The following ZMYND11 variants were observed in gnomAD, a reference collection of about 807,000 sequenced individuals.
ZMYND11 encodes zinc finger MYND-type containing 11.
Under a neutral mutation model 84.9 loss-of-function variants are expected in ZMYND11, and 9 were observed. The observed-to-expected ratio is 0.11, with a 90% CI of 0.06 to 0.18. The LOEUF is 0.18. Among genes scored for constraint, ZMYND11 ranks in the 10% least tolerant of loss-of-function variants. The probability of loss-of-function intolerance (pLI) is 1.00; values close to 1 mark genes in which losing one functional copy is unlikely to be tolerated. For missense variants in ZMYND11, 409 were observed against 761.0 expected (o/e 0.54, Z 5.44); for synonymous variants, 250 against 244.1 (o/e 1.02, Z -0.23).
chr10:240,877 TTC>T lies in ZMYND11; in HGVS notation c.754-14_754-13del. On this transcript the variant is annotated splice_polypyrimidine_tract_variant and intron_variant, in intron 8 of 14. Transcript: ENST00000381604. Reference sequence around the variant, plus strand: ...TATATTTTATGTAGGCTAAAGTAGTTTCTTTTCTTTTTCAGCTGGATGAACTG... The same window carrying T: ...TATATTTTATGTAGGCTAAAGTAGTTTTTTCTTTTTCAGCTGGATGAACTG... 11 of 1,605,868 alleles carry T rather than the reference TTC, an allele frequency of 6.8e-6. No homozygotes were observed. The highest frequency in any genetic ancestry group is 7.7e-6 in the Non-Finnish European group (9 of 1,175,180).
intron 10 of ZMYND11, among the ~76,000 whole-genome samples, chr10:244,927 TCATTCCAG>T (rs1951822007): frequency 6.6e-6 from 1 of 152,224 alleles, no homozygotes; most frequent in Non-Finnish European, 1.5e-5. Flanking sequence ...AGATACAAGT[TCATTCCAG>T]GTAGTCAGCA....
intron 2 of ZMYND11, among the ~76,000 whole-genome samples, chr10:200,313 TATAAC>T (rs1942880512): frequency 1.1e-4 from 1 of 8,860 alleles, no homozygotes; most frequent in African/African-American, 1.2e-4. Flanking sequence ...ATATATAATA[TATAAC>T]ATATAATATG....
intron 10 of ZMYND11, chr10:244,420 C>G (rs1185631822): frequency 6.6e-6 from 1 of 152,238 alleles, no homozygotes; most frequent in Non-Finnish European, 1.5e-5. Flanking sequence ...TTGTAAATCT[C>G]CAGCAAAAGA....
intron 2 of ZMYND11, among the ~76,000 whole-genome samples, chr10:189,663 G>A (rs2130887476): frequency 6.6e-6 from 1 of 152,260 alleles, no homozygotes; most frequent in East Asian, 1.9e-4. Context: ...CAAATTCTTA[G>A]GACATTCACC....
intron 6 of ZMYND11, among the ~76,000 whole-genome samples, chr10:238,418 G>GTGA (rs1402120145): frequency 6.6e-6 from 1 of 151,764 alleles, no homozygotes; most frequent in East Asian, 1.9e-4. Flanking sequence ...GTGCAGTGGT[G>GTGA]TGATCTTGGC....
chr10:243,180 G>A (rs1951393672), intron 10 of ZMYND11, among the ~76,000 whole-genome samples: 1 of 152,094 alleles, frequency 6.6e-6, no homozygotes. Flanking sequence ...CTGAGCCTTA[G>A]CAAAATAAAG....
At chr10:195,478 C>T (rs1055920742) in intron 2 of ZMYND11, among the ~76,000 whole-genome samples, 40 of 152,156 alleles carry the variant, frequency 2.6e-4, no homozygotes, top group African/African-American at 8.9e-4. Flanking sequence ...CTATAACAGA[C>T]TATTATACTA....
chr10:230,111 G>GTAGA (rs1948743912), intron 4 of ZMYND11, among the ~76,000 whole-genome samples: 1 of 152,130 alleles, frequency 6.6e-6, no homozygotes, highest in South Asian at 2.1e-4. Context: ...TAATTTATGT[G>GTAGA]TAGATTAGTA....
At chr10:239,940 C>A in intron 7 of ZMYND11, 116 bp from the exon 8 acceptor site, 1 of 762,622 alleles carries the variant, frequency 1.3e-6, no homozygotes, top group Non-Finnish European at 2.1e-6. Context: ...TTTAAATGGA[C>A]ATTTTGGTTT....
intron 6 of ZMYND11, among the ~76,000 whole-genome samples, chr10:237,943 G>C (rs534246324): frequency 6.6e-6 from 1 of 152,202 alleles, no homozygotes; most frequent in South Asian, 2.1e-4. Context: ...CTTGATCCTT[G>C]TTGATTTAAG....
At chr10:239,390 AT>A in intron 6 of ZMYND11, 47 bp from the exon 7 acceptor site, 1 of 1,521,026 alleles carries the variant, frequency 6.6e-7, no homozygotes, top group South Asian at 1.2e-5. Flanking sequence ...CCAGACAAGT[AT>A]TTTTACTGGT....
rs1181159466 is a variant in ZMYND11, at chr10:248,927, A to G, written c.1525A>G (p.Lys509Glu). The G allele has an allele frequency of 6.2e-7, 1 of 1,613,490 alleles. No individual in the cohort carries two copies. The highest frequency in any genetic ancestry group is 8.5e-7 in the Non-Finnish European group (1 of 1,179,658). The part of the protein sequence containing the change: ...EKLRSEMEEE[K>E]RQAVNKAVAN... ...GCTGCGTTCTGAAATGGAAGAAGAA[A>G]AGAGACAAGCTGTAAATAAAGCTGT... Residue 509 changes from lysine (K) to glutamate (E), a missense_variant, in exon 14 of 15, where the codon AAG becomes GAG. Physicochemically the swap from Lys to Glu is moderately conservative, Grantham distance 56. Coordinates refer to ENST00000381604, the MANE Select transcript of ZMYND11 (RefSeq NM_001370100.5).
At chr10:209,742 G>A (rs1215345777) in intron 2 of ZMYND11, 147 bp from the exon 3 acceptor site, 1 of 628,376 alleles carries the variant, frequency 1.6e-6, no homozygotes, top group East Asian at 3.0e-5. Context: ...TGTTTATCGT[G>A]TTCGTTCTTT....
intron 2 of ZMYND11, among the ~76,000 whole-genome samples, chr10:201,024 T>G (rs1943050244): frequency 6.6e-6 from 1 of 152,062 alleles, no homozygotes; most frequent in Non-Finnish European, 1.5e-5. Context: ...CCTGTTATAC[T>G]TCCATAGCTT....
chr10:152,595 T>C (rs1840656957), intron 1 of ZMYND11, among the ~76,000 whole-genome samples: 1 of 152,056 alleles, frequency 6.6e-6, no homozygotes, highest in Admixed American at 6.5e-5. Context: ...AGGCTTACAC[T>C]CCCGCACAAT....
At chr10:158,083 T>C (rs1450783749) in intron 1 of ZMYND11, among the ~76,000 whole-genome samples, 1 of 152,264 alleles carries the variant, frequency 6.6e-6, no homozygotes, top group Non-Finnish European at 1.5e-5. Context: ...GTATGAATGA[T>C]ATTCCATTGG....
At chr10:150,336 C>T (rs1319184522) in intron 1 of ZMYND11, among the ~76,000 whole-genome samples, 3 of 152,140 alleles carry the variant, frequency 2.0e-5, no homozygotes, top group African/African-American at 7.2e-5. Context: ...CTGGTTTAGT[C>T]TTGGGCGGGT....
chr10:211,474 C>T (rs1338436165), intron 3 of ZMYND11, among the ~76,000 whole-genome samples: 5 of 152,108 alleles, frequency 3.3e-5, no homozygotes, highest in Non-Finnish European at 5.9e-5. Flanking sequence ...TCTGGCTCTA[C>T]AGCAGATGAG....
intron 2 of ZMYND11, among the ~76,000 whole-genome samples, chr10:197,009 C>T (rs192229359): frequency 1.7e-3 from 256 of 148,648 alleles, no homozygotes; most frequent in Non-Finnish European, 2.8e-3. Flanking sequence ...TCAATACATA[C>T]GCATGGAAGG....
Sources: gnomAD v4.1 joint callset for allele counts (sites outside exome capture counted in the v4.1 genomes callset) on GRCh38, gnomAD v4.1.1 for gene constraint, MANE v1.5 for transcripts, NCBI Gene and HGNC (gene_info 2026-07-23, HGNC 2026-07-21) for gene names.